The following CSMD1 variants were observed in gnomAD, a reference collection of about 807,000 sequenced individuals.
CSMD1 encodes the protein CUB and Sushi multiple domains 1, also known as CUB and sushi domain-containing protein 1.
A neutral mutation model predicts 417.5 loss-of-function variants in CSMD1; 213 were observed. That is an observed-to-expected ratio of 0.51 (90% CI 0.46 to 0.57). The LOEUF (loss-of-function observed/expected upper bound fraction) is 0.57. Among genes scored for constraint, CSMD1 ranks in the 20% least tolerant of loss-of-function variants. The pLI is 0.00. For synonymous variants in CSMD1, 2,862 were observed against 1,736.8 expected (o/e 1.65, Z -16.11); for missense variants, 6,923 against 4,529.7 (o/e 1.53, Z -15.17).
At chr8:4,713,753 G>A (rs1358481712) in intron 1 of CSMD1, among the ~76,000 whole-genome samples, 2 of 152,150 alleles carry the variant, frequency 1.3e-5, no homozygotes, top group African/African-American at 2.4e-5. Context: ...CAACTCCACG[G>A]ACAGGTAAGT....
chr8:3,549,511 AG>A (rs1228019827), intron 10 of CSMD1, among the ~76,000 whole-genome samples: 1 of 152,236 alleles, frequency 6.6e-6, no homozygotes, highest in Non-Finnish European at 1.5e-5. Flanking sequence ...TTGGGTCGTC[AG>A]GGCTCTCCTT....
At chr8:3,481,050 G>A (rs1652357779) in intron 11 of CSMD1, among the ~76,000 whole-genome samples, 1 of 151,218 alleles carries the variant, frequency 6.6e-6, no homozygotes, top group African/African-American at 2.4e-5. Context: ...CAGCTACTAG[G>A]GAGGCTGAGG....
intron 3 of CSMD1, among the ~76,000 whole-genome samples, chr8:4,197,210 G>A (rs921456539): frequency 5.3e-5 from 8 of 152,156 alleles, no homozygotes; most frequent in South Asian, 2.1e-4. Flanking sequence ...TCCAGTAAGA[G>A]CATCATGAAT....
intron 5 of CSMD1, among the ~76,000 whole-genome samples, chr8:3,996,936 G>C (rs992322576): frequency 5.3e-5 from 8 of 152,232 alleles, no homozygotes; most frequent in Non-Finnish European, 1.0e-4. Context: ...TGACATGTTT[G>C]TCTGGTAGCC....
In CSMD1 at chr8:3,474,836, T is replaced by A. The variant is rs181638870; in HGVS notation, c.1449-6012A>T. Among the ~76,000 whole-genome samples, 164 of 152,274 alleles carry A rather than the reference T, an allele frequency of 1.1e-3. 2 individuals are homozygous for A. The highest frequency in any genetic ancestry group is 3.9e-3 in the African/African-American group (162 of 41,564). ...TTCCCCAAGTTGACTCTATAGTACA[T>A]ATTGTTCTGATTTAAACTTAAAAAT... On this transcript the variant is annotated intron_variant, in intron 11 of 69. Transcript: ENST00000635120.
At chr8:4,705,170 T>A (rs900687351) in intron 1 of CSMD1, among the ~76,000 whole-genome samples, 4 of 152,134 alleles carry the variant, frequency 2.6e-5, no homozygotes, top group Admixed American at 6.6e-5. Flanking sequence ...TCACCATAAT[T>A]GTAAGTTTCC....
chr8:4,330,426 C>G (rs1399495115), intron 3 of CSMD1, among the ~76,000 whole-genome samples: 2 of 152,052 alleles, frequency 1.3e-5, no homozygotes. Flanking sequence ...AAATCCCACA[C>G]CAAATATACA....
chr8:4,795,557 C>G (rs548909582), intron 1 of CSMD1, among the ~76,000 whole-genome samples: 3 of 152,110 alleles, frequency 2.0e-5, no homozygotes, highest in South Asian at 2.1e-4. Context: ...CCACCGCACC[C>G]GGCCAGCTTT....
At chr8:3,389,261 T>C (rs7001058) in intron 17 of CSMD1, among the ~76,000 whole-genome samples, 64,160 of 151,830 alleles carry the variant, frequency 0.42, 13,759 homozygotes, top group Middle Eastern at 0.47. Context: ...GATCCTCTCC[T>C]TCCTGCTACC....
At chr8:3,974,448 A>C (rs1350809147) in intron 5 of CSMD1, among the ~76,000 whole-genome samples, 2 of 152,078 alleles carry the variant, frequency 1.3e-5, no homozygotes, top group African/African-American at 4.8e-5. Flanking sequence ...ATGTGCAAAT[A>C]ATAGTATATG....
chr8:4,936,441 G>C (rs146446545), intron 1 of CSMD1, among the ~76,000 whole-genome samples: 4 of 152,136 alleles, frequency 2.6e-5, no homozygotes, highest in African/African-American at 9.7e-5. Context: ...AAAATAGAAG[G>C]ATTTTTGTCC....
At chr8:4,224,611 T>C (rs903896112) in intron 3 of CSMD1, among the ~76,000 whole-genome samples, 3 of 152,180 alleles carry the variant, frequency 2.0e-5, no homozygotes, top group Admixed American at 1.3e-4. Flanking sequence ...GCAAAGGTTA[T>C]GACTTCAGAC....
intron 5 of CSMD1, among the ~76,000 whole-genome samples, chr8:3,821,051 G>C (rs1585046212): frequency 6.6e-6 from 1 of 151,920 alleles, no homozygotes; most frequent in Admixed American, 6.6e-5. Context: ...CCAGTAGCTG[G>C]GATTACAGGT....
chr8:3,467,796 T>G (rs1203036237), intron 12 of CSMD1, among the ~76,000 whole-genome samples: 1 of 152,206 alleles, frequency 6.6e-6, no homozygotes, highest in Non-Finnish European at 1.5e-5. Flanking sequence ...GGTGGATGCT[T>G]TTTTATTATC....
chr8:4,393,237 A>C (rs7814609), intron 3 of CSMD1, among the ~76,000 whole-genome samples: 2 of 151,960 alleles, frequency 1.3e-5, no homozygotes, highest in East Asian at 2.0e-4. Flanking sequence ...CAGCCTCCCA[A>C]AGTGCTGGGA....
At chr8:4,615,773 C>T (rs1801440025) in intron 2 of CSMD1, among the ~76,000 whole-genome samples, 1 of 152,172 alleles carries the variant, frequency 6.6e-6, no homozygotes, top group Non-Finnish European at 1.5e-5. Flanking sequence ...TCAATTAATA[C>T]TACTTCAATA....
chr8:3,412,025 C>A lies in CSMD1; in HGVS notation c.1562-2420G>T, dbSNP rs537611858. Among the ~76,000 whole-genome samples the A allele has an allele frequency of 6.6e-4, 25 of 37,854 alleles. 8 individuals carry two copies. The highest frequency in any genetic ancestry group is 2.5e-3 in the African/African-American group (23 of 9,218). 24.8% of individuals were successfully genotyped at this position (37,854 alleles called of 152,430 possible). On this transcript the variant is annotated intron_variant, in intron 12 of 69. Transcript: ENST00000635120. Reference sequence around the variant, plus strand: ...ACACGTATATATATACATATACACACGTATATATACACATATATACACGTA... The same window carrying A: ...ACACGTATATATATACATATACACAAGTATATATACACATATATACACGTA...
chr8:3,856,782 G>C (rs1191502291), intron 5 of CSMD1, among the ~76,000 whole-genome samples: 1 of 152,124 alleles, frequency 6.6e-6, no homozygotes. Context: ...AGGAGACTGA[G>C]CATATTACAG....
At position 3,962,016 on chromosome 8, in the gene CSMD1, T is replaced by C. The variant is rs570092614; in HGVS notation, c.818+35887A>G. On this transcript the variant is annotated intron_variant, in intron 5 of 69. Transcript: ENST00000635120. ...TTGCACAAAGACATGCGTGCTTGTG[T>C]CATCTTATTTCCTCAGAGTTCCTGG... is the stretch of plus-strand genomic sequence containing the variant. 2.6e-5 allele frequency among the ~76,000 whole-genome samples: 4 copies of C among 152,230 alleles called. No individual in the cohort carries two copies. The South Asian group carries it at 8.3e-4, about 32-fold the overall frequency.
Sources: gnomAD v4.1 joint callset for allele counts (sites outside exome capture counted in the v4.1 genomes callset) on GRCh38, gnomAD v4.1.1 for gene constraint, MANE v1.5 for transcripts, NCBI Gene and HGNC (gene_info 2026-07-23, HGNC 2026-07-21) for gene names.